SEMA3A: variants seen among roughly 807,000 people sequenced by gnomAD.
SEMA3A encodes the protein semaphorin 3A.
Under a neutral mutation model 97.9 loss-of-function variants are expected in SEMA3A, and 29 were observed. The ratio of observed to expected loss-of-function variants is 0.30; its 90% CI spans 0.22 to 0.40. The LOEUF (loss-of-function observed/expected upper bound fraction) is 0.40, where lower values mean the gene tolerates loss of function less well. Ranked by LOEUF, SEMA3A falls within the 10% of genes least tolerant of loss-of-function variation. SEMA3A has a pLI of 1.00. For synonymous variants in SEMA3A, 321 were observed against 323.7 expected (o/e 0.99, Z 0.09); for missense variants, 763 against 951.3 (o/e 0.80, Z 2.60).
At chr7:84,485,524 C>T (rs919981872) in intron 1 of SEMA3A, among the ~76,000 whole-genome samples, 1 of 151,946 alleles carries the variant, frequency 6.6e-6, no homozygotes, top group Non-Finnish European at 1.5e-5. Flanking sequence ...TACAGGCCCA[C>T]ACACCACTCC....
intron 3 of SEMA3A, among the ~76,000 whole-genome samples, chr7:84,275,445 GAA>G (rs1800270902): frequency 6.6e-6 from 1 of 152,034 alleles, no homozygotes; most frequent in Non-Finnish European, 1.5e-5. Context: ...CAATCTTCTT[GAA>G]GATGAATAGC....
intron 1 of SEMA3A, among the ~76,000 whole-genome samples, chr7:84,402,915 T>C (rs1432787057): frequency 6.6e-6 from 1 of 151,982 alleles, no homozygotes; most frequent in Non-Finnish European, 1.5e-5. Flanking sequence ...GGAAGGGTAG[T>C]GGGGTAGAGA....
At position 84,428,464 on chromosome 7, in the gene SEMA3A, T is replaced by A. The variant is rs185657728; in HGVS notation, c.-245-56564A>T. ...CATAACAGCTATCCATCACATATAG[T>A]TTACCTCTTAAAAAACATTGGTACT... On this transcript the variant is annotated intron_variant, in intron 1 of 3. Transcript: ENST00000424555. Among the ~76,000 whole-genome samples the A allele has an allele frequency of 7.7e-3, 1,174 of 152,168 alleles. 6 individuals are homozygous for A. The highest frequency in any genetic ancestry group is 0.012 in the Admixed American group (184 of 15,256).
chr7:84,263,072 A>G (rs188987625), intron 3 of SEMA3A, among the ~76,000 whole-genome samples: 1 of 152,350 alleles, frequency 6.6e-6, no homozygotes, highest in East Asian at 1.9e-4. Flanking sequence ...ATAAATTATG[A>G]CATTCATATA....
intron 5 of SEMA3A, among the ~76,000 whole-genome samples, chr7:84,052,079 T>A (rs1792687981): frequency 6.6e-6 from 1 of 152,202 alleles, no homozygotes; most frequent in African/African-American, 2.4e-5. Context: ...TCATGGCGGA[T>A]AAGCTTTTTG....
intron 1 of SEMA3A, among the ~76,000 whole-genome samples, chr7:84,390,368 A>ATTATTATG (rs1562929747): frequency 7.5e-4 from 79 of 104,796 alleles, no homozygotes; most frequent in African/African-American, 2.9e-3. Context: ...TTATTATTAT[A>ATTATTATG]GCAGCTGGGA....
In SEMA3A at chr7:84,449,308, A is replaced by G. The variant is rs147136959; in HGVS notation, c.-246+43152T>C. Among the ~76,000 whole-genome samples the G allele has an allele frequency of 2.9e-3, 447 of 152,318 alleles. 1 individual carries two copies. Among genetic ancestry groups the G allele is most frequent in the African/African-American group, 0.01 (429 of 41,580 alleles). On this transcript the variant is annotated intron_variant, in intron 1 of 3. Coordinates refer to the SEMA3A transcript ENST00000424555. ...TATGAAATCACTTATCCAAGCAGCCATCTTTAGGAAGCTATAAAAAAGAAG... is the reference window on the plus strand; with the variant it reads ...TATGAAATCACTTATCCAAGCAGCCGTCTTTAGGAAGCTATAAAAAAGAAG...
At chr7:84,156,226 C>A (rs1796841590) in intron 1 of SEMA3A, among the ~76,000 whole-genome samples, 1 of 152,012 alleles carries the variant, frequency 6.6e-6, no homozygotes. Context: ...TTTCTTACTT[C>A]TTAGGGTGTG....
At chr7:84,033,298 A>AT (rs994779671) in intron 6 of SEMA3A, among the ~76,000 whole-genome samples, 16 of 152,248 alleles carry the variant, frequency 1.1e-4, no homozygotes, top group Admixed American at 3.9e-4. Flanking sequence ...CATAAAGAGC[A>AT]TTTTTTTCTA....
chr7:84,465,644 AT>A (rs1805971437), intron 1 of SEMA3A, among the ~76,000 whole-genome samples: 1 of 152,128 alleles, frequency 6.6e-6, no homozygotes, highest in African/African-American at 2.4e-5. Flanking sequence ...AAAATACTTG[AT>A]TTATCTTTAT....
chr7:84,377,438 T>C (rs922402061), intron 1 of SEMA3A, among the ~76,000 whole-genome samples: 3 of 152,192 alleles, frequency 2.0e-5, no homozygotes, highest in African/African-American at 7.2e-5. Context: ...TTCTGGGTTC[T>C]CTATTCTGTT....
rs77156881 is a variant in SEMA3A at position 84,210,266 on chromosome 7, G to T, written c.-82-15598C>A. On this transcript the variant is annotated intron_variant, in intron 3 of 3. Transcript: ENST00000424555. Reference sequence around the variant, plus strand: ...AAAAATAAAAAACAAATACAGCATGGTAATTGCTCAGATAACACAGATGAT... The same window carrying T: ...AAAAATAAAAAACAAATACAGCATGTTAATTGCTCAGATAACACAGATGAT... 6.3e-3 allele frequency among the ~76,000 whole-genome samples: 964 copies of T among 152,166 alleles called. 45 individuals are homozygous for T. In the East Asian group the frequency reaches 0.12, roughly 20 times the overall value.
intron 1 of SEMA3A, among the ~76,000 whole-genome samples, chr7:84,189,979 T>TC (rs955348291): frequency 6.6e-6 from 1 of 151,628 alleles, no homozygotes; most frequent in African/African-American, 2.4e-5. Context: ...TAGAAATCAG[T>TC]CACATGAAGA....
intron 3 of SEMA3A, among the ~76,000 whole-genome samples, chr7:84,252,831 G>A (rs904415230): frequency 1.3e-5 from 2 of 151,884 alleles, no homozygotes; most frequent in Non-Finnish European, 2.9e-5. Context: ...GGATCTAAAG[G>A]CTTTGTGGAT....
intron 6 of SEMA3A, among the ~76,000 whole-genome samples, chr7:84,038,409 G>A (rs771657748): frequency 6.6e-6 from 1 of 152,056 alleles, no homozygotes; most frequent in South Asian, 2.1e-4. Flanking sequence ...AACATCAATT[G>A]AATTTTTTTA....
At chr7:83,962,258 A>G (rs897471833) in intron 16 of SEMA3A, among the ~76,000 whole-genome samples, 12 of 152,118 alleles carry the variant, frequency 7.9e-5, no homozygotes, top group African/African-American at 2.2e-4. Flanking sequence ...AATTTTAAAA[A>G]AATAGAAGTT....
At chr7:84,237,013 G>T (rs931407700) in intron 3 of SEMA3A, among the ~76,000 whole-genome samples, 1 of 152,084 alleles carries the variant, frequency 6.6e-6, no homozygotes, top group South Asian at 2.1e-4. Flanking sequence ...TGTTGGAAAG[G>T]AAGGGAAGGA....
At chr7:84,109,028 C>A (rs368900009) in intron 4 of SEMA3A, among the ~76,000 whole-genome samples, 1 of 151,622 alleles carries the variant, frequency 6.6e-6, no homozygotes, top group African/African-American at 2.4e-5. Flanking sequence ...CAATATCATG[C>A]GGAGGGAGTT....
intron 1 of SEMA3A, among the ~76,000 whole-genome samples, chr7:84,166,738 G>A (rs1020946963): frequency 7.9e-5 from 12 of 151,096 alleles, no homozygotes; most frequent in Non-Finnish European, 1.8e-4. Context: ...AGCTGGGCGC[G>A]GTGGCAGGCA....
Sources: gnomAD v4.1 joint callset for allele counts (sites outside exome capture counted in the v4.1 genomes callset) on GRCh38, gnomAD v4.1.1 for gene constraint, MANE v1.5 for transcripts, NCBI Gene and HGNC (gene_info 2026-07-23, HGNC 2026-07-21) for gene names.